Variants in GRM1 observed in about 807,000 individuals in gnomAD.
GRM1 encodes the protein glutamate metabotropic receptor 1.
GRM1 carries 33 observed loss-of-function variants against 90.9 expected under a neutral mutation model. The ratio of observed to expected loss-of-function variants is 0.36; its 90% CI spans 0.28 to 0.49. The LOEUF is 0.49. Ranked by LOEUF, GRM1 falls within the 20% of genes least tolerant of loss-of-function variation. The probability of loss-of-function intolerance (pLI) is 0.99; values close to 1 mark genes in which losing one functional copy is unlikely to be tolerated. For synonymous variants in GRM1, 700 were observed against 613.2 expected, an observed-to-expected ratio of 1.14 and a Z score of -2.09; for missense variants, 1,190 against 1,534.3, an observed-to-expected ratio of 0.78 and a Z score of 3.75.
intron 1 of GRM1, among the ~76,000 whole-genome samples, chr6:146,100,377 T>C (rs1777010568): frequency 6.6e-6 from 1 of 152,182 alleles, no homozygotes; most frequent in Non-Finnish European, 1.5e-5. Flanking sequence ...AGACCCCCTG[T>C]CACAAAATTA....
intron 1 of GRM1, among the ~76,000 whole-genome samples, chr6:146,059,704 A>G (rs1025976528): frequency 2.0e-5 from 3 of 152,264 alleles, no homozygotes; most frequent in East Asian, 1.9e-4. Context: ...ACTTTCATCA[A>G]TTATCTTATG....
intron 1 of GRM1, among the ~76,000 whole-genome samples, chr6:146,054,228 A>G (rs1582934610): frequency 6.6e-6 from 1 of 152,034 alleles, no homozygotes; most frequent in Non-Finnish European, 1.5e-5. Flanking sequence ...CTCTCACATG[A>G]AAGTATCAGC....
intron 2 of GRM1, among the ~76,000 whole-genome samples, chr6:146,292,751 A>G (rs1273827070): frequency 1.3e-5 from 2 of 151,960 alleles, no homozygotes; most frequent in Admixed American, 6.6e-5. Context: ...ATGACCCAGC[A>G]TTTTCATTCC....
intron 1 of GRM1, among the ~76,000 whole-genome samples, chr6:146,152,304 G>T (rs977721929): frequency 6.7e-6 from 1 of 149,744 alleles, no homozygotes; most frequent in African/African-American, 2.5e-5. Flanking sequence ...CCAATGCCTT[G>T]CTTGGCATCA....
intron 2 of GRM1, among the ~76,000 whole-genome samples, chr6:146,280,289 C>G (rs893659416): frequency 6.6e-6 from 1 of 152,004 alleles, no homozygotes; most frequent in Non-Finnish European, 1.5e-5. Flanking sequence ...TGATCATAGC[C>G]CTGAGTTATC....
intron 1 of GRM1, among the ~76,000 whole-genome samples, chr6:146,043,796 T>TATATATAGATATATATAG (rs1554260529): frequency 2.9e-5 from 4 of 137,940 alleles, no homozygotes; most frequent in Non-Finnish European, 6.3e-5. Context: ...TATATATATA[T>TATATATAGATATATATAG]ATATATATAT....
At chr6:146,272,012 G>A (rs1233514935) in intron 2 of GRM1, among the ~76,000 whole-genome samples, 1 of 152,022 alleles carries the variant, frequency 6.6e-6, no homozygotes, top group African/African-American at 2.4e-5. Flanking sequence ...AATCCTCCAC[G>A]TTCCTGCATT....
chr6:146,420,878 C>T (rs771876179), intron 7 of GRM1, among the ~76,000 whole-genome samples: 1 of 152,032 alleles, frequency 6.6e-6, no homozygotes, highest in Non-Finnish European at 1.5e-5. Context: ...AATTGCATTA[C>T]CACTTTGTAG....
intron 7 of GRM1, among the ~76,000 whole-genome samples, chr6:146,421,618 CA>C (rs1287255269): frequency 2.0e-5 from 3 of 152,008 alleles, no homozygotes; most frequent in Non-Finnish European, 1.5e-5. Context: ...TTTAATAGGG[CA>C]AAATGTTAAT....
intron 2 of GRM1, among the ~76,000 whole-genome samples, chr6:146,235,457 A>G (rs138548703): frequency 2.2e-4 from 34 of 152,198 alleles, no homozygotes; most frequent in African/African-American, 7.9e-4. Context: ...ATGGATAAAA[A>G]ATTCTCTGCC....
intron 1 of GRM1, among the ~76,000 whole-genome samples, chr6:146,033,059 A>G (rs1462824034): frequency 6.6e-6 from 1 of 152,184 alleles, no homozygotes; most frequent in Non-Finnish European, 1.5e-5. Context: ...CATGACAATT[A>G]TCAATTTACA....
chr6:146,409,416 T>C lies in GRM1; in HGVS notation c.2660+9717T>C, dbSNP rs565659773. On this transcript the variant is annotated intron_variant, in intron 7 of 7. Transcript: ENST00000282753. Reference sequence around the variant, plus strand: ...GCTCTGTTAGAGGATCCATTTGTTATGAAAGTTTGAGGTGTAGAGTCAACT... The same window carrying C: ...GCTCTGTTAGAGGATCCATTTGTTACGAAAGTTTGAGGTGTAGAGTCAACT... 5.9e-5 allele frequency among the ~76,000 whole-genome samples: 9 copies of C among 152,294 alleles called. No individual in the cohort carries two copies. The South Asian group carries it at 1.7e-3, about 28-fold the overall frequency.
intron 2 of GRM1, among the ~76,000 whole-genome samples, chr6:146,232,036 C>T (rs1031780479): frequency 7.2e-5 from 11 of 152,042 alleles, no homozygotes; most frequent in Non-Finnish European, 8.8e-5. Context: ...GGTAAAGCCA[C>T]CTGGTCCTAA....
chr6:146,427,996 C>A (rs369383196), intron 7 of GRM1, among the ~76,000 whole-genome samples: 2 of 152,208 alleles, frequency 1.3e-5, no homozygotes, highest in South Asian at 2.1e-4. Flanking sequence ...AAGGTGAGTG[C>A]CTAAAAGCAA....
At chr6:146,398,097 A>G (rs1182445179) in intron 6 of GRM1, among the ~76,000 whole-genome samples, 1 of 152,220 alleles carries the variant, frequency 6.6e-6, no homozygotes, top group African/African-American at 2.4e-5. Flanking sequence ...TCCTTTCAAG[A>G]GATGGGTTAG....
intron 5 of GRM1, among the ~76,000 whole-genome samples, chr6:146,373,698 T>C (rs1775988309): frequency 6.6e-6 from 1 of 152,170 alleles, no homozygotes; most frequent in Non-Finnish European, 1.5e-5. Flanking sequence ...CTACTGATTT[T>C]TGTATGTTGA....
chr6:146,254,355 T>C (rs1013282756), intron 2 of GRM1, among the ~76,000 whole-genome samples: 1 of 152,116 alleles, frequency 6.6e-6, no homozygotes. Flanking sequence ...CCCTGGGGTT[T>C]CCATCCCAGC....
At chr6:146,388,482 A>G (rs1332741050) in intron 6 of GRM1, among the ~76,000 whole-genome samples, 2 of 152,114 alleles carry the variant, frequency 1.3e-5, no homozygotes, top group Admixed American at 1.3e-4. Context: ...TCACGTAACT[A>G]AAATTATACT....
chr6:146,209,544 T>C (rs1315807659), intron 2 of GRM1, among the ~76,000 whole-genome samples: 1 of 152,068 alleles, frequency 6.6e-6, no homozygotes, highest in Admixed American at 6.6e-5. Context: ...TATTCTACTA[T>C]ATAGGGTTTC....
Sources: allele counts gnomAD v4.1 joint callset (sites outside exome capture counted in the v4.1 genomes callset), GRCh38; gene constraint gnomAD v4.1.1; transcripts MANE v1.5; gene names NCBI Gene and HGNC (gene_info 2026-07-23, HGNC 2026-07-21).